Variants in TNK2 observed in about 807,000 individuals in gnomAD.
TNK2 encodes the protein activated CDC42 kinase 1.
Under a neutral mutation model 101.8 loss-of-function variants are expected in TNK2, and 83 were observed. The ratio of observed to expected loss-of-function variants is 0.82; its 90% confidence interval spans 0.68 to 0.98. The LOEUF (loss-of-function observed/expected upper bound fraction) is 0.98, where lower values mean the gene tolerates loss of function less well. TNK2 is among the 50% of genes least tolerant of loss of function. The pLI is 0.00. For synonymous variants in TNK2, 804 were observed against 633.0 expected (o/e 1.27, Z -4.06); for missense variants, 1,665 against 1,483.2 (o/e 1.12, Z -2.01).
In TNK2 at chr3:195,869,462, G is replaced by C. The variant is rs199790167; in HGVS notation, c.1588+35C>G. ...GAGGAGTGAGAGAGAGGGGGCGGGG[G>C]CGGGGGCCAAGGCATCGGAAGCAGC... On this transcript the variant is annotated intron_variant, in intron 12 of 15. Coordinates refer to ENST00000672887, the MANE Select transcript of TNK2 (RefSeq NM_001382273.1). The C allele has an allele frequency of 5.8e-6, 9 of 1,548,672 alleles. No individual in the cohort carries two copies. In the East Asian group the frequency reaches 1.7e-4, roughly 29 times the overall value.
In TNK2 at chr3:195,868,673, G is replaced by A. The variant is rs768711057; in HGVS notation, c.1625C>T (p.Pro542Leu). The A allele has an allele frequency of 2.3e-5, 36 of 1,593,230 alleles. No homozygotes were observed. The highest frequency in any genetic ancestry group is 2.6e-5 in the Non-Finnish European group (31 of 1,177,712). ...CAGCCTCTTGAAGTCGCTGGACAAG[G>A]GGTCTTGGTCCTCGCTCACAGGGTC... ...TYDPVSEDQD[P>L]LSSDFKRLGL... The change falls in exon 13 of 16, where the codon CCC becomes CTC. Residue 542 changes from proline (P) to leucine (L), a missense_variant. Pro to Leu is a moderately conservative substitution (Grantham distance 98). Coordinates refer to ENST00000672887, the MANE Select transcript of TNK2 (RefSeq NM_001382273.1).
At chr3:195,903,820 A>G (rs1272914089) in intron 1 of TNK2, among the ~76,000 whole-genome samples, 1 of 152,236 alleles carries the variant, frequency 6.6e-6, no homozygotes, top group African/African-American at 2.4e-5. Flanking sequence ...AAACTTTATT[A>G]GCAGATGACA....
chr3:195,879,320 C>T (rs1363871374), intron 6 of TNK2, 145 bp from the exon 7 acceptor site: 14 of 1,244,900 alleles, frequency 1.1e-5, no homozygotes, highest in East Asian at 5.1e-5. Context: ...CCGTGTGAAG[C>T]GGGCAGGACC....
At chr3:195,872,984 T>G (rs1250667363) in intron 9 of TNK2, among the ~76,000 whole-genome samples, 1 of 152,078 alleles carries the variant, frequency 6.6e-6, no homozygotes, top group African/African-American at 2.4e-5. Context: ...TGCACTAGGC[T>G]GGGGGCCAGG....
Position 195,879,073 on chromosome 3 carries a change from G to T in TNK2, c.990C>A (p.Pro330=), listed in dbSNP as rs1305114488. 1 of 1,613,800 alleles carries T rather than the reference G, an allele frequency of 6.2e-7. No individual in the cohort carries two copies. Among genetic ancestry groups the T allele is most frequent in the Non-Finnish European group, 8.5e-7 (1 of 1,180,002 alleles). The change falls in exon 7 of 16, where the codon CCC becomes CCA. Residue 330 remains proline (P), a synonymous_variant. Transcript: ENST00000672887. ...LWEMFTYGQE[P]WIGLNGSQIL... ...CCTGACTGCCGTTGAGGCCGATCCA[G>T]GGCTCCTGGCCGTAGGTGAACATTT...
At position 195,885,052 on chromosome 3, in the gene TNK2, G is replaced by A. The variant is rs767504502; in HGVS notation, c.235-19C>T. 9.6e-6 allele frequency: 15 copies of A among 1,567,256 alleles called. No homozygotes were observed. Among genetic ancestry groups the A allele is most frequent in the East Asian group, 2.3e-5 (1 of 44,348 alleles). On this transcript the variant is annotated intron_variant, in intron 3 of 15. Coordinates refer to ENST00000672887, the MANE Select transcript of TNK2 (RefSeq NM_001382273.1). The surrounding 1 kb of genome is among the most constrained non-coding windows in gnomAD (Gnocchi z 4.7). ...TGAACACCTGTTTGAAGGCAGCCGG[G>A]GGCCAGATGGAATCCAACACCCCAG...
At position 195,902,976 on chromosome 3, in the gene TNK2, G is replaced by A. The variant is rs954564450; in HGVS notation, c.-19+5509C>T. On this transcript the variant is annotated intron_variant, in intron 1 of 15. Coordinates refer to ENST00000672887, the MANE Select transcript of TNK2 (RefSeq NM_001382273.1). ...TGTTGCCCAGGCTGGTCTTGAACTC[G>A]TGACCTCAGGTGATCCACCCACCTC... Among the ~76,000 whole-genome samples, 11 of 151,254 alleles carry A rather than the reference G, an allele frequency of 7.3e-5. No homozygotes were observed. The East Asian group carries it at 2.0e-3, about 28-fold the overall frequency.
Position 195,872,411 on chromosome 3 carries a change from G to A in TNK2, c.1316C>T (p.Pro439Leu), listed in dbSNP as rs780099540. The change falls in exon 10 of 16, where the codon CCT (proline) becomes CTT (leucine). Residue 439 changes from proline (P) to leucine (L), a missense_variant. Coordinates refer to ENST00000672887, the MANE Select transcript of TNK2 (RefSeq NM_001382273.1). ...GGCCACGGAGGTCACCACGTTGCGA[G>A]GGAAGGGCCCCACACACAGCGTCCG... is the stretch of plus-strand genomic sequence containing the variant. ...NTRTLCVGPF[P>L]RNVVTSVAGL... 4 of 1,612,968 alleles carry A rather than the reference G, an allele frequency of 2.5e-6. No individual in the cohort carries two copies. Among genetic ancestry groups the A allele is most frequent in the South Asian group, 2.2e-5 (2 of 91,018 alleles).
chr3:195,867,001 C>A lies in TNK2; in HGVS notation c.3049G>T (p.Gly1017Trp). ...AQYLKVEQLFGLGLRPRGECH... is the reference protein window; with the variant it reads ...AQYLKVEQLFWLGLRPRGECH... ...TCCCCTCTGGGCCGCAGACCCAGCC[C>A]GAAGAGCTGCTCCACCTGGGGGTAA... Residue 1017 changes from glycine to tryptophan, a missense_variant, in exon 15 of 16, where the codon GGG (glycine) becomes TGG (tryptophan). Transcript: ENST00000672887. 6.2e-6 allele frequency: 10 copies of A among 1,613,198 alleles called. No homozygotes were observed. The highest frequency in any genetic ancestry group is 1.7e-5 in the Admixed American group (1 of 60,020).
In TNK2 at chr3:195,882,318, A is replaced by G; in HGVS notation, c.620T>C (p.Leu207Pro). 7 of 1,611,102 alleles carry G rather than the reference A, an allele frequency of 4.3e-6. No individual in the cohort carries two copies. In the South Asian group the frequency reaches 7.7e-5, roughly 18 times the overall value. ...GTCCAACAACGATCCCAGAGGTGCCAGCTCTGTCACCTGAGGCCACGGAGG... is the reference window on the plus strand; with the variant it reads ...GTCCAACAACGATCCCAGAGGTGCCGGCTCTGTCACCTGAGGCCACGGAGG... Reference protein sequence around the residue: ...LTPPMKMVTELAPLGSLLDRL... With the variant: ...LTPPMKMVTEPAPLGSLLDRL... The change falls in exon 6 of 16, where the codon CTG becomes CCG. Residue 207 changes from leucine to proline, a missense_variant. Around this residue, in one of 3 missense-constraint regions of TNK2, gnomAD observed 490 missense variants for 522.5 expected, o/e 0.94. Coordinates refer to ENST00000672887, the MANE Select transcript of TNK2 (RefSeq NM_001382273.1). The surrounding 1 kb of genome is among the most constrained non-coding windows in gnomAD (Gnocchi z 4.2).
Position 195,875,918 on chromosome 3 carries a change from T to C in TNK2, c.1256+2335A>G, listed in dbSNP as rs188477027. 1.7e-3 allele frequency among the ~76,000 whole-genome samples: 256 copies of C among 152,306 alleles called. 2 individuals are homozygous for C. Among genetic ancestry groups the C allele is most frequent in the African/African-American group, 5.6e-3 (231 of 41,578 alleles). On this transcript the variant is annotated intron_variant, in intron 9 of 15. Coordinates refer to ENST00000672887, the MANE Select transcript of TNK2 (RefSeq NM_001382273.1). ...CAGCTCTGGAAATCTCAGCACCACG[T>C]TCCCGTCCGGGCCGAAGGTAGTCCA...
intron 1 of TNK2, among the ~76,000 whole-genome samples, chr3:195,897,349 C>T (rs1398373768): frequency 1.3e-5 from 2 of 152,222 alleles, no homozygotes; most frequent in Non-Finnish European, 2.9e-5. Context: ...TTCAGACACA[C>T]GCCATGACTG....
chr3:195,908,199 C>CCT (rs1761944058), intron 1 of TNK2: 1 of 155,628 alleles, frequency 6.4e-6, no homozygotes, highest in African/African-American at 2.4e-5. Context: ...TCCTGCAGCT[C>CCT]CTCCCTGGGG....
chr3:195,878,382 A>G lies in TNK2; in HGVS notation c.1162-35T>C. The G allele has an allele frequency of 6.2e-7, 1 of 1,613,864 alleles. No homozygotes were observed. Among genetic ancestry groups the G allele is most frequent in the Non-Finnish European group, 8.5e-7 (1 of 1,179,906 alleles). ...GAGGAAGGTCGTGGCCAACTCTGGG[A>G]CTGACGCCTGGGTAGCCCCTCAGCT... On this transcript the variant is annotated intron_variant, in intron 8 of 15. Coordinates refer to ENST00000672887, the MANE Select transcript of TNK2 (RefSeq NM_001382273.1). This position sits in a 1 kb window ranked among gnomAD's most constrained non-coding sequence, Gnocchi z 4.7.
intron 9 of TNK2, 168 bp from the exon 10 acceptor site, chr3:195,872,638 T>C (rs1044199395): frequency 7.4e-6 from 5 of 671,794 alleles, no homozygotes; most frequent in African/African-American, 3.6e-5. Context: ...TGACCCACCA[T>C]GCCCCGTACA....
In TNK2 at chr3:195,885,413, CCG is replaced by C. The variant is rs1276952052; in HGVS notation, c.235-382_235-381del. 4 of 1,340,774 alleles carry C rather than the reference CCG, an allele frequency of 3.0e-6. No individual in the cohort carries two copies. Among genetic ancestry groups the C allele is most frequent in the Non-Finnish European group, 3.9e-6 (4 of 1,022,722 alleles). The allele number at this position is 1,340,774 out of a possible 1,614,324, so 83.1% of individuals were successfully genotyped here. A position where few individuals can be genotyped will look rare whatever the true frequency, so the allele number is the denominator to read the frequency against. On this transcript the variant is annotated intron_variant, in intron 3 of 15. Coordinates refer to ENST00000672887, the MANE Select transcript of TNK2 (RefSeq NM_001382273.1). The surrounding 1 kb of genome is among the most constrained non-coding windows in gnomAD (Gnocchi z 4.7). ...CCACCCCGCAGACTCCAGCCCTAAC[CCG>C]CATCGATGGAGCCGCAGGGGCCCTC...
At chr3:195,881,934 G>T in intron 6 of TNK2, 117 bp downstream of exon 6, 1 of 1,289,402 alleles carries the variant, frequency 7.8e-7, no homozygotes, top group Non-Finnish European at 1.1e-6. Flanking sequence ...CCCAGGCTTA[G>T]AACAGACAAG....
intron 9 of TNK2, among the ~76,000 whole-genome samples, chr3:195,876,204 C>T (rs2149409790): frequency 6.6e-6 from 1 of 152,340 alleles, no homozygotes; most frequent in African/African-American, 2.4e-5. Context: ...ATTTGTGTCT[C>T]CAAATCTAGA....
Position 195,885,391 on chromosome 3 carries a change from C to A in TNK2, c.235-358G>T. On this transcript the variant is annotated intron_variant, in intron 3 of 15. Transcript: ENST00000672887. The surrounding 1 kb of genome is among the most constrained non-coding windows in gnomAD (Gnocchi z 4.7). ...CCACCCTCCCTTCCTGCACCCGCCA[C>A]CCCGCAGACTCCAGCCCTAACCCGC... The A allele has an allele frequency of 7.4e-7, 1 of 1,346,666 alleles. No individual in the cohort carries two copies. Among genetic ancestry groups the A allele is most frequent in the South Asian group, 1.3e-5 (1 of 78,806 alleles). 83.4% of individuals were successfully genotyped at this position (1,346,666 alleles called of 1,614,324 possible). A position where few individuals can be genotyped will look rare whatever the true frequency, so the allele number is the denominator to read the frequency against.
Sources: gnomAD v4.1 joint callset for allele counts (sites outside exome capture counted in the v4.1 genomes callset) on GRCh38, gnomAD v4.1.1 for gene constraint, gnomAD v4.1.1 regional missense constraint, Gnocchi (gnomAD v3.1) non-coding constraint, MANE v1.5 for transcripts, NCBI Gene and HGNC (gene_info 2026-07-23, HGNC 2026-07-21) for gene names.